The following FUZ variants were observed in gnomAD, a reference collection of about 807,000 sequenced individuals.
FUZ encodes protein fuzzy homolog.
FUZ carries 31 observed loss-of-function variants against 43.1 expected under a neutral mutation model. The observed-to-expected ratio is 0.72, with a 90% CI of 0.54 to 0.97. The LOEUF is 0.97. Ranked by LOEUF, FUZ falls within the 50% of genes least tolerant of loss-of-function variation. FUZ has a pLI of 0.00. For missense variants in FUZ, 539 were observed against 543.8 expected (o/e 0.99, Z 0.09); for synonymous variants, 274 against 250.0 (o/e 1.10, Z -0.91).
chr19:49,807,152 C>T lies in FUZ; in HGVS notation c.1256G>A (p.Ter419=), dbSNP rs776024806. Residue 419 remains the stop codon, a stop_retained_variant, in exon 11 of 11, where the codon TGA becomes TAA. Transcript: ENST00000313777. ...TGTCCATCACCCACTGCTAGGTAGTCAAAGAAGTGGGGTGAGGGCATGCAG... is the reference window on the plus strand; with the variant it reads ...TGTCCATCACCCACTGCTAGGTAGTTAAAGAAGTGGGGTGAGGGCATGCAG... ...HTLHALTPLL[*] 10 of 1,612,764 alleles carry T rather than the reference C, an allele frequency of 6.2e-6. No individual in the cohort carries two copies. The East Asian group carries it at 8.9e-5, about 14-fold the overall frequency.
chr19:49,808,133 T>A (rs2073501166), intron 10 of FUZ: 2 of 497,376 alleles, frequency 4.0e-6, no homozygotes, highest in Non-Finnish European at 7.4e-6. Context: ...ATGAAGTGAT[T>A]TCATTCTTTC....
chr19:49,812,779 C>A (rs2123839576), intron 1 of FUZ, 43 bp from the exon 2 acceptor site: 2 of 1,608,184 alleles, frequency 1.2e-6, no homozygotes, highest in Middle Eastern at 1.6e-4. Context: ...ACCCCCCCAT[C>A]CCCTTCCCCC....
intron 5 of FUZ, among the ~76,000 whole-genome samples, chr19:49,810,365 C>T (rs10421882): frequency 6.6e-6 from 1 of 150,678 alleles, no homozygotes; most frequent in Admixed American, 6.6e-5. Context: ...CCTAGTCCAT[C>T]TCTTAAAAAA....
At position 49,809,440 on chromosome 19, in the gene FUZ, C is replaced by T; in HGVS notation, c.628G>A (p.Gly210Arg). The T allele has an allele frequency of 6.5e-7, 1 of 1,547,368 alleles. No individual in the cohort carries two copies. Residue 210 changes from glycine to arginine, a missense_variant, in exon 6 of 11, where the codon GGG becomes AGG. Coordinates refer to ENST00000313777, the MANE Select transcript of FUZ (RefSeq NM_025129.5). The surrounding 1 kb of genome is among the most constrained non-coding windows in gnomAD (Gnocchi z 5.1). ...PEAVLLPWLV[G>R]SLPPQTARDY... ...CGAGCGGTCTGCGGCGGCAGGGACCCCACCAGCCAGGGGAGCAGCACGGCC... is the reference window on the plus strand; with the variant it reads ...CGAGCGGTCTGCGGCGGCAGGGACCTCACCAGCCAGGGGAGCAGCACGGCC...
intron 5 of FUZ, among the ~76,000 whole-genome samples, chr19:49,810,587 G>A (rs2073720690): frequency 6.6e-6 from 1 of 151,568 alleles, no homozygotes; most frequent in Non-Finnish European, 1.5e-5. Context: ...GTTGAGGCAG[G>A]GGAATCGTTT....
Position 49,809,143 on chromosome 19 carries a change from G to A in FUZ, c.786+20C>T. 2 of 1,549,428 alleles carry A rather than the reference G, an allele frequency of 1.3e-6. No individual in the cohort carries two copies. Among genetic ancestry groups the A allele is most frequent in the East Asian group, 2.4e-5 (1 of 40,912 alleles). On this transcript the variant is annotated intron_variant, in intron 7 of 10. Coordinates refer to ENST00000313777, the MANE Select transcript of FUZ (RefSeq NM_025129.5). This position sits in a 1 kb window ranked among gnomAD's most constrained non-coding sequence, Gnocchi z 5.1. ...TAGCGGGTGTCCTAAGAGCGAAAGC[G>A]GGACGTGGCGCGGGTTCACCTGTGG...
rs1175885987 is a variant in FUZ, at chr19:49,813,196, G to C, written c.-90C>G. On this transcript the variant is annotated 5_prime_UTR_variant, in exon 1 of 11. Coordinates refer to ENST00000313777, the MANE Select transcript of FUZ (RefSeq NM_025129.5). ...ATCAGAGTAACTCGGCCTGTGGTCC[G>C]GAGCCGCCAGAGGGCGAGATGGGGA... 3.3e-6 allele frequency: 4 copies of C among 1,195,632 alleles called. No homozygotes were observed. The highest frequency in any genetic ancestry group is 2.7e-4 in the Middle Eastern group (1 of 3,748). The allele number at this position is 1,195,632 out of a possible 1,614,324, so 74.1% of individuals were successfully genotyped here.
At chr19:49,808,283 A>T in intron 10 of FUZ, 131 bp downstream of exon 10, 1 of 933,294 alleles carries the variant, frequency 1.1e-6, no homozygotes, top group Non-Finnish European at 1.7e-6. Flanking sequence ...CTCAAGGAAA[A>T]CCACTGCCCT....
At chr19:49,812,506 C>G in intron 2 of FUZ, 109 bp downstream of exon 2, 1 of 1,511,286 alleles carries the variant, frequency 6.6e-7, no homozygotes, top group Non-Finnish European at 9.2e-7. Flanking sequence ...CTAAAGATCC[C>G]ATAGCCAAAT....
intron 5 of FUZ, among the ~76,000 whole-genome samples, chr19:49,810,212 G>A (rs1256716800): frequency 6.6e-6 from 1 of 152,102 alleles, no homozygotes; most frequent in Non-Finnish European, 1.5e-5. Context: ...AGCCAGCTCT[G>A]GATATAGTAG....
chr19:49,806,957 C>A lies in FUZ; in HGVS notation c.*194G>T, dbSNP rs2073409887. 6.5e-7 allele frequency: 1 copy of A among 1,532,934 alleles called. No individual in the cohort carries two copies. The highest frequency in any genetic ancestry group is 8.7e-7 in the Non-Finnish European group (1 of 1,146,434). The allele number at this position is 1,532,934 out of a possible 1,614,324, so 95.0% of individuals were successfully genotyped here. Reference sequence around the variant, plus strand: ...TACATTCTGGGGGGTTAGGGGGAGTCCCCCTCCCTCCCTTTCCCCCCCAAG... The same window carrying A: ...TACATTCTGGGGGGTTAGGGGGAGTACCCCTCCCTCCCTTTCCCCCCCAAG... On this transcript the variant is annotated 3_prime_UTR_variant, in exon 11 of 11. Transcript: ENST00000313777.
chr19:49,812,657 C>T lies in FUZ; in HGVS notation c.191G>A (p.Arg64Lys). 6.2e-7 allele frequency: 1 copy of T among 1,614,156 alleles called. No homozygotes were observed. Among genetic ancestry groups the T allele is most frequent in the Non-Finnish European group, 8.5e-7 (1 of 1,180,034 alleles). ...CCACACCACAGTCGTGTTCTCGGTC[C>T]TCGCAGAGCTCAGCTGCACCTCCAG... ...QNLEVQLSSARTENTTVVWKS... is the reference protein window; with the variant it reads ...QNLEVQLSSAKTENTTVVWKS... The change falls in exon 2 of 11, where the codon AGG becomes AAG. Residue 64 changes from arginine to lysine, a missense_variant. By Grantham distance (26) the Arg-to-Lys change is conservative (BLOSUM62 2). Transcript: ENST00000313777.
intron 5 of FUZ, chr19:49,810,952 C>G (rs2073750570): frequency 2.3e-5 from 8 of 342,314 alleles, no homozygotes; most frequent in South Asian, 1.9e-4. Flanking sequence ...AAGTTCGAGA[C>G]CAGCTTGGCC....
chr19:49,808,970 G>C, intron 7 of FUZ, 147 bp from the exon 8 acceptor site: 1 of 869,530 alleles, frequency 1.2e-6, no homozygotes, highest in Non-Finnish European at 1.9e-6. Context: ...AAGGGACTGG[G>C]GAAGGGGCGA....
rs773515920 is a variant in FUZ, at chr19:49,811,420, G to A, written c.435C>T (p.Ile145=). 2.2e-5 allele frequency: 36 copies of A among 1,613,846 alleles called. No individual in the cohort carries two copies. Among genetic ancestry groups the A allele is most frequent in the African/African-American group, 2.0e-4 (15 of 75,020 alleles). Reference sequence around the variant, plus strand: ...AGTCCACACACTGGGTCAGGTCCCCGATGAGCTCCGAGTCCCCCAGGAAGC... The same window carrying A: ...AGTCCACACACTGGGTCAGGTCCCCAATGAGCTCCGAGTCCCCCAGGAAGC... ...IDSFLGDSEL[I]GDLTQCVDCV... Residue 145 remains isoleucine, a synonymous_variant, in exon 5 of 11, where the codon ATC becomes ATT. Coordinates refer to ENST00000313777, the MANE Select transcript of FUZ (RefSeq NM_025129.5).
At chr19:49,808,139 C>T in intron 10 of FUZ, 1 of 528,856 alleles carries the variant, frequency 1.9e-6, no homozygotes, top group Non-Finnish European at 3.4e-6. Flanking sequence ...TGATTTCATT[C>T]TTTCATTACG....
chr19:49,808,784 G>A lies in FUZ; in HGVS notation c.826C>T (p.Arg276Trp), dbSNP rs772901977. ...RWWQPLLDPL[R>W]ACLPLGPRAL... ...CGGGGTCCCAACGGCAGACAGGCCC[G>A]CAACGGGTCCAGCAGTGGCTGCCAC... The change falls in exon 8 of 11, where the codon CGG becomes TGG. Residue 276 changes from arginine (R) to tryptophan (W), a missense_variant. By Grantham distance (101) the Arg-to-Trp change is moderately radical. Transcript: ENST00000313777. 21 of 1,560,726 alleles carry A rather than the reference G, an allele frequency of 1.3e-5. No homozygotes were observed. In the South Asian group the frequency reaches 2.1e-4, roughly 16 times the overall value.
rs2123779153 is a variant in FUZ at position 49,807,005 on chromosome 19, G to GA, written c.*145dup. The GA allele has an allele frequency of 6.6e-7, 1 of 1,524,458 alleles. No homozygotes were observed. The highest frequency in any genetic ancestry group is 8.8e-7 in the Non-Finnish European group (1 of 1,140,254). 94.4% of individuals were successfully genotyped at this position (1,524,458 alleles called of 1,614,324 possible). A position where few individuals can be genotyped will look rare whatever the true frequency, so the allele number is the denominator to read the frequency against. ...AAGCACAGAGGGGAGAGGGGCCAGG[G>GA]AAGTGGATGTCTCCTCCCCTCCCAC... On this transcript the variant is annotated 3_prime_UTR_variant, in exon 11 of 11. Coordinates refer to ENST00000313777, the MANE Select transcript of FUZ (RefSeq NM_025129.5).
intron 5 of FUZ, 26 bp downstream of exon 5, chr19:49,811,337 A>G: frequency 2.0e-6 from 3 of 1,500,262 alleles, no homozygotes; most frequent in Non-Finnish European, 2.8e-6. Flanking sequence ...GAACAGGTGT[A>G]AGAGTTTCCA....
Sources: allele counts gnomAD v4.1 joint callset (sites outside exome capture counted in the v4.1 genomes callset), GRCh38; gene constraint gnomAD v4.1.1; non-coding constraint Gnocchi (gnomAD v3.1); transcripts MANE v1.5; gene names NCBI Gene and HGNC (gene_info 2026-07-23, HGNC 2026-07-21).